GALNT14: variants seen among roughly 807,000 people sequenced by gnomAD.
GALNT14 encodes the protein polypeptide N-acetylgalactosaminyltransferase 14.
GALNT14 carries 60 observed loss-of-function variants against 77.5 expected under a neutral mutation model. That is an observed-to-expected ratio of 0.77 (90% CI 0.63 to 0.96). GALNT14 has a LOEUF of 0.96. GALNT14 is among the 40% of genes least tolerant of loss of function. The pLI is 0.00. For synonymous variants in GALNT14, 280 were observed against 281.7 expected (o/e 0.99, Z 0.06); for missense variants, 710 against 731.0 (o/e 0.97, Z 0.33).
chr2:31,033,979 C>A (rs533821623), intron 1 of GALNT14, among the ~76,000 whole-genome samples: 1 of 152,346 alleles, frequency 6.6e-6, no homozygotes, highest in South Asian at 2.1e-4. Flanking sequence ...CACCAGATTT[C>A]ATTTAAACCA....
intron 1 of GALNT14, among the ~76,000 whole-genome samples, chr2:31,128,729 G>C (rs1367354400): frequency 1.3e-5 from 2 of 152,140 alleles, no homozygotes; most frequent in East Asian, 1.9e-4. Flanking sequence ...GGGAAGGGCG[G>C]AGAGCCTCTC....
intron 13 of GALNT14, among the ~76,000 whole-genome samples, chr2:30,923,722 G>A (rs960435485): frequency 1.3e-5 from 2 of 152,148 alleles, no homozygotes; most frequent in African/African-American, 4.8e-5. Flanking sequence ...GTCCCAGAAG[G>A]CAGTGTCACC....
chr2:31,084,753 G>A (rs1676331419), intron 1 of GALNT14, among the ~76,000 whole-genome samples: 1 of 152,352 alleles, frequency 6.6e-6, no homozygotes, highest in East Asian at 1.9e-4. Flanking sequence ...GCCGAGTGCA[G>A]TGGCTTCACG....
At chr2:31,031,298 CA>C (rs1029655736) in intron 1 of GALNT14, among the ~76,000 whole-genome samples, 1 of 152,044 alleles carries the variant, frequency 6.6e-6, no homozygotes, top group African/African-American at 2.4e-5. Flanking sequence ...TCTATCCTAA[CA>C]AAACTTCAAG....
chr2:31,029,991 G>A (rs1274365968), intron 1 of GALNT14, among the ~76,000 whole-genome samples: 5 of 152,176 alleles, frequency 3.3e-5, no homozygotes, highest in Admixed American at 6.5e-5. Flanking sequence ...TCTGCTCTGC[G>A]CAGGCACAGA....
chr2:30,905,965 T>C (rs1664132323), downstream of GALNT14, among the ~76,000 whole-genome samples: 1 of 151,240 alleles, frequency 6.6e-6, no homozygotes. Flanking sequence ...CAAACTAAGC[T>C]TCATAAGCGA....
At chr2:31,121,648 G>T (rs79163228) in intron 1 of GALNT14, among the ~76,000 whole-genome samples, 2 of 151,886 alleles carry the variant, frequency 1.3e-5, no homozygotes, top group Admixed American at 6.6e-5. Context: ...GGAAGACCTC[G>T]CTGCCCACTG....
chr2:30,938,384 A>ACACACT (rs1174119035), intron 9 of GALNT14, among the ~76,000 whole-genome samples: 251 of 141,774 alleles, frequency 1.8e-3, no homozygotes, highest in East Asian at 0.014. Context: ...ACACACACAC[A>ACACACT]CTCTCTCTCT....
At chr2:31,108,939 A>T (rs1677699660) in intron 1 of GALNT14, among the ~76,000 whole-genome samples, 1 of 152,212 alleles carries the variant, frequency 6.6e-6, no homozygotes, top group African/African-American at 2.4e-5. Flanking sequence ...TAACCAGCTG[A>T]TACTCTTGAG....
At chr2:30,922,030 G>C (rs760896361) in intron 13 of GALNT14, among the ~76,000 whole-genome samples, 3 of 152,146 alleles carry the variant, frequency 2.0e-5, no homozygotes, top group African/African-American at 4.8e-5. Flanking sequence ...AGACAATGAG[G>C]GGTGCAGGAG....
intron 1 of GALNT14, among the ~76,000 whole-genome samples, chr2:31,046,746 C>T (rs1412810226): frequency 6.6e-6 from 1 of 152,126 alleles, no homozygotes; most frequent in African/African-American, 2.4e-5. Context: ...CAGGAACCTA[C>T]AGTATTTTTT....
rs79368697 is a variant in GALNT14 at position 31,059,027 on chromosome 2, C to T, written c.130-66020G>A. 3.6e-3 allele frequency among the ~76,000 whole-genome samples: 547 copies of T among 152,194 alleles called. 17 individuals carry two copies. The East Asian group carries it at 0.089, about 25-fold the overall frequency. Reference sequence around the variant, plus strand: ...GGCATTGAAGAGATACGGTCATCTGCCTACCAGCCATTGAGTGTCTGTGGT... The same window carrying T: ...GGCATTGAAGAGATACGGTCATCTGTCTACCAGCCATTGAGTGTCTGTGGT... On this transcript the variant is annotated intron_variant, in intron 1 of 14. Transcript: ENST00000349752.
chr2:31,050,768 T>G (rs1220605029), intron 1 of GALNT14, among the ~76,000 whole-genome samples: 2 of 62,928 alleles, frequency 3.2e-5, no homozygotes, highest in East Asian at 0.021. Context: ...AAGCAAAAAG[T>G]TTTTTGTTTT....
chr2:30,892,330 G>A, the GALNT14 span, among the ~76,000 whole-genome samples: 1 of 152,120 alleles, frequency 6.6e-6, no homozygotes, highest in Non-Finnish European at 1.5e-5. Context: ...ACGGGATGTA[G>A]GGTTTCCAAA....
intron 3 of GALNT14, among the ~76,000 whole-genome samples, chr2:30,960,562 T>C (rs1251651234): frequency 6.6e-6 from 1 of 152,148 alleles, no homozygotes; most frequent in African/African-American, 2.4e-5. Context: ...TTGTTTTTGC[T>C]TCTCTAATCA....
In GALNT14 at chr2:31,138,121, G is replaced by T; in HGVS notation, c.-35C>A. 3 of 1,612,934 alleles carry T rather than the reference G, an allele frequency of 1.9e-6. No individual in the cohort carries two copies. Among genetic ancestry groups the T allele is most frequent in the Non-Finnish European group, 2.5e-6 (3 of 1,179,532 alleles). ...TGCCGCTTCCTCTCCGCGGCGCTAC[G>T]TCCCGGGGGCACCCCCCGGCGGTCA... is the stretch of plus-strand genomic sequence containing the variant. On this transcript the variant is annotated 5_prime_UTR_variant, in exon 1 of 15. Transcript: ENST00000349752.
chr2:31,083,269 G>A (rs1367936789), intron 1 of GALNT14, among the ~76,000 whole-genome samples: 1 of 152,144 alleles, frequency 6.6e-6, no homozygotes, highest in African/African-American at 2.4e-5. Context: ...AGTGCCTTTA[G>A]CTGTGGGGAT....
At chr2:30,887,915 A>G in the GALNT14 span, among the ~76,000 whole-genome samples, 1 of 152,206 alleles carries the variant, frequency 6.6e-6, no homozygotes, top group Non-Finnish European at 1.5e-5. Flanking sequence ...TAACTTACTC[A>G]TGACTCCTGC....
intron 1 of GALNT14, among the ~76,000 whole-genome samples, chr2:31,013,054 T>A (rs904982692): frequency 7.9e-5 from 12 of 152,172 alleles, no homozygotes; most frequent in African/African-American, 2.9e-4. Context: ...TAATTACTGA[T>A]ACCAACTAAA....
Sources: gnomAD v4.1 joint callset for allele counts (sites outside exome capture counted in the v4.1 genomes callset) on GRCh38, gnomAD v4.1.1 for gene constraint, MANE v1.5 for transcripts, NCBI Gene and HGNC (gene_info 2026-07-23, HGNC 2026-07-21) for gene names.